Variants in IFT88 observed in about 807,000 individuals in gnomAD.
IFT88 encodes the protein intraflagellar transport 88.
Under a neutral mutation model 119.5 loss-of-function variants are expected in IFT88, and 74 were observed. That is an observed-to-expected ratio of 0.62 (90% CI 0.51 to 0.75). The LOEUF (loss-of-function observed/expected upper bound fraction) is 0.75, where lower values mean the gene tolerates loss of function less well. IFT88 is among the 30% of genes least tolerant of loss of function. IFT88 has a pLI of 0.00. For missense variants in IFT88, 961 were observed against 977.7 expected, an observed-to-expected ratio of 0.98 and a Z score of 0.23; for synonymous variants, 279 against 316.7, an observed-to-expected ratio of 0.88 and a Z score of 1.26.
Position 20,605,083 on chromosome 13 carries a change from C to A in IFT88, c.1090C>A (p.Leu364Ile). ...LVTEAIKNDHLRQMERERKAM... is the reference protein window; with the variant it reads ...LVTEAIKNDHIRQMERERKAM... The stretch of plus-strand genomic sequence containing the variant: ...AACTGAAGCTATAAAAAATGATCAC[C>A]TCAGGCAAATGGAACGTGAAAGGTA... The change falls in exon 13 of 26, where the codon CTC (leucine) becomes ATC (isoleucine). Residue 364 changes from leucine to isoleucine, a missense_variant. Physicochemically the swap from Leu to Ile is conservative, Grantham distance 5. Transcript: ENST00000351808. 1 of 1,493,742 alleles carries A rather than the reference C, an allele frequency of 6.7e-7. No individual in the cohort carries two copies. The highest frequency in any genetic ancestry group is 9.3e-7 in the Non-Finnish European group (1 of 1,076,994). 92.5% of individuals were successfully genotyped at this position (1,493,742 alleles called of 1,614,324 possible). A position where few individuals can be genotyped will look rare whatever the true frequency, so the allele number is the denominator to read the frequency against.
chr13:20,611,120 T>C (rs1319084397), intron 13 of IFT88, among the ~76,000 whole-genome samples: 2 of 150,810 alleles, frequency 1.3e-5, no homozygotes, highest in Non-Finnish European at 3.0e-5. Flanking sequence ...ATAATAATAA[T>C]ATATAGGATA....
Position 20,605,078 on chromosome 13 carries a change from ATC to A in IFT88, c.1086_1087del (p.Asp362GlufsTer8), listed in dbSNP as rs766152952. The A allele has an allele frequency of 6.6e-7, 1 of 1,508,604 alleles. No individual in the cohort carries two copies. Among genetic ancestry groups the A allele is most frequent in the East Asian group, 2.3e-5 (1 of 43,976 alleles). 93.5% of individuals were successfully genotyped at this position (1,508,604 alleles called of 1,614,324 possible). A position where few individuals can be genotyped will look rare whatever the true frequency, so the allele number is the denominator to read the frequency against. On this transcript the variant is annotated frameshift_variant, in exon 13 of 26. Coordinates refer to ENST00000351808, the MANE Select transcript of IFT88 (RefSeq NM_006531.5). LOFTEE classifies it high-confidence loss of function. Reference sequence around the variant, plus strand: ...TTAGTAACTGAAGCTATAAAAAATGATCACCTCAGGCAAATGGAACGTGAAAG... The same window carrying A: ...TTAGTAACTGAAGCTATAAAAAATGAACCTCAGGCAAATGGAACGTGAAAG...
At chr13:20,583,052 A>G in intron 3 of IFT88, 33 bp downstream of exon 3, 1 of 1,313,796 alleles carries the variant, frequency 7.6e-7, no homozygotes, top group Non-Finnish European at 1.1e-6. Flanking sequence ...AAATTGTGGT[A>G]AAAAATACAT....
At chr13:20,669,366 G>T (rs1214933566) in intron 23 of IFT88, among the ~76,000 whole-genome samples, 1 of 151,896 alleles carries the variant, frequency 6.6e-6, no homozygotes, top group Non-Finnish European at 1.5e-5. Flanking sequence ...GTTTTCACAT[G>T]TGGTTTTAAA....
chr13:20,649,630 A>G (rs547724952), intron 20 of IFT88, among the ~76,000 whole-genome samples: 1 of 152,264 alleles, frequency 6.6e-6, no homozygotes, highest in East Asian at 1.9e-4. Context: ...AGCAGCAGGA[A>G]GGAAATAATA....
intron 9 of IFT88, 146 bp from the exon 10 acceptor site, chr13:20,598,502 ATTC>A: frequency 2.0e-6 from 1 of 489,452 alleles, no homozygotes; most frequent in Non-Finnish European, 3.7e-6. Context: ...ATGCAAGATA[ATTC>A]TTTTGTTTAC....
intron 16 of IFT88, among the ~76,000 whole-genome samples, chr13:20,634,633 A>G (rs1445827726): frequency 6.6e-6 from 1 of 152,002 alleles, no homozygotes; most frequent in East Asian, 1.9e-4. Context: ...AGGCTGAGGC[A>G]TGAGAATTGC....
intron 24 of IFT88, among the ~76,000 whole-genome samples, chr13:20,671,301 T>C (rs2055814623): frequency 6.6e-6 from 1 of 152,224 alleles, no homozygotes. Flanking sequence ...TATTAATCTC[T>C]CAGGTTGGAC....
rs1276605866 is a variant in IFT88 at position 20,641,379 on chromosome 13, C to G, written c.1663C>G (p.Leu555Val). ...HAILRNSAEV[L>V]YQIANIYELM... ...AATCCTACGAAACAGTGCCGAAGTT[C>G]TTTACCAGATAGCAAATATGTATCT... Residue 555 changes from leucine (L) to valine (V), a missense_variant, in exon 18 of 26, where the codon CTT becomes GTT. By Grantham distance (32) the Leu-to-Val change is conservative. Coordinates refer to ENST00000351808, the MANE Select transcript of IFT88 (RefSeq NM_006531.5). 1.2e-6 allele frequency: 2 copies of G among 1,608,078 alleles called. No individual in the cohort carries two copies. Among genetic ancestry groups the G allele is most frequent in the African/African-American group, 2.7e-5 (2 of 74,756 alleles).
intron 1 of IFT88, among the ~76,000 whole-genome samples, chr13:20,569,593 T>A (rs1361267510): frequency 6.6e-6 from 1 of 151,306 alleles, no homozygotes; most frequent in Non-Finnish European, 1.5e-5. Context: ...AAAATTTTTT[T>A]AAACTTTTGT....
chr13:20,661,022 T>C (rs889629463), intron 22 of IFT88, among the ~76,000 whole-genome samples: 2 of 152,236 alleles, frequency 1.3e-5, no homozygotes, highest in Non-Finnish European at 2.9e-5. Flanking sequence ...CATTCATTTG[T>C]TCCCCAGAAC....
chr13:20,654,095 C>T (rs1238306298), intron 21 of IFT88, among the ~76,000 whole-genome samples, 167 bp downstream of exon 21: 1 of 152,058 alleles, frequency 6.6e-6, no homozygotes, highest in East Asian at 1.9e-4. Flanking sequence ...TTACTACATA[C>T]AAAAAAGTTA....
chr13:20,591,950 A>G (rs1163731346), intron 6 of IFT88, among the ~76,000 whole-genome samples: 2 of 152,214 alleles, frequency 1.3e-5, no homozygotes, highest in African/African-American at 4.8e-5. Flanking sequence ...AAATAAAATT[A>G]TAACAAAAAT....
At chr13:20,613,034 G>A (rs557350490) in intron 13 of IFT88, among the ~76,000 whole-genome samples, 3 of 152,176 alleles carry the variant, frequency 2.0e-5, no homozygotes, top group Non-Finnish European at 4.4e-5. Flanking sequence ...TTAAGCAAAG[G>A]TTTTGTAGAT....
chr13:20,655,456 A>C (rs370355069), intron 21 of IFT88, among the ~76,000 whole-genome samples: 84 of 94,876 alleles, frequency 8.9e-4, no homozygotes, highest in Admixed American at 2.8e-3. Flanking sequence ...AAAAAAAAAC[A>C]AAAAAAACCA....
intron 7 of IFT88, among the ~76,000 whole-genome samples, chr13:20,595,292 A>T (rs1428311339): frequency 6.8e-6 from 1 of 146,818 alleles, no homozygotes; most frequent in East Asian, 2.3e-4. Flanking sequence ...ATTTTTTTTT[A>T]TTTTTTTGAG....
chr13:20,569,755 G>A (rs991691556), intron 1 of IFT88, among the ~76,000 whole-genome samples: 7 of 151,658 alleles, frequency 4.6e-5, no homozygotes, highest in Non-Finnish European at 7.4e-5. Context: ...CTGGCCGGGC[G>A]CGGTGGTTCA....
At chr13:20,652,475 AAAAT>A (rs2051926767) in intron 20 of IFT88, among the ~76,000 whole-genome samples, 1 of 152,118 alleles carries the variant, frequency 6.6e-6, no homozygotes, top group Admixed American at 6.5e-5. Flanking sequence ...TCTTTAAAAA[AAAAT>A]AAAAACTAGC....
chr13:20,595,312 T>A (rs1225356130), intron 7 of IFT88, among the ~76,000 whole-genome samples: 1 of 151,956 alleles, frequency 6.6e-6, no homozygotes, highest in East Asian at 1.9e-4. Context: ...GGCAGAGTCT[T>A]GCTCTGTCAC....
Sources: allele counts gnomAD v4.1 joint callset (sites outside exome capture counted in the v4.1 genomes callset), GRCh38; gene constraint gnomAD v4.1.1; transcripts MANE v1.5; gene names NCBI Gene and HGNC (gene_info 2026-07-23, HGNC 2026-07-21).